TBC1D9: variants seen among roughly 807,000 people sequenced by gnomAD.
TBC1D9 encodes TBC1 domain family member 9.
Under a neutral mutation model 132.0 loss-of-function variants are expected in TBC1D9, and 63 were observed. The observed-to-expected ratio is 0.48, with a 90% CI of 0.39 to 0.59. TBC1D9 has a LOEUF of 0.59. TBC1D9 is among the 20% of genes least tolerant of loss of function. The probability of loss-of-function intolerance (pLI) is 0.00; values close to 1 mark genes in which losing one functional copy is unlikely to be tolerated. For synonymous variants in TBC1D9, 610 were observed against 609.9 expected, an observed-to-expected ratio of 1.00 and a Z score of 0.00; for missense variants, 1,261 against 1,592.7, an observed-to-expected ratio of 0.79 and a Z score of 3.54.
Position 140,622,752 on chromosome 4 carries a change from C to T in TBC1D9, c.3244G>A (p.Gly1082Ser), listed in dbSNP as rs1041023252. 1 of 1,606,144 alleles carries T rather than the reference C, an allele frequency of 6.2e-7. No homozygotes were observed. The highest frequency in any genetic ancestry group is 8.5e-7 in the Non-Finnish European group (1 of 1,179,724). ...AQPAKEGGSG[G>S]SGPSCHQGIP... Reference sequence around the variant, plus strand: ...CCCTGGTGGCAGGACGGCCCACTGCCTCCGCTCCCGCCCTCCTTTGCAGGC... The same window carrying T: ...CCCTGGTGGCAGGACGGCCCACTGCTTCCGCTCCCGCCCTCCTTTGCAGGC... The change falls in exon 21 of 21, where the codon GGC (glycine) becomes AGC (serine). Residue 1082 changes from glycine to serine, a missense_variant. Gly to Ser is a moderately conservative substitution (Grantham distance 56). Transcript: ENST00000442267.
intron 2 of TBC1D9, among the ~76,000 whole-genome samples, chr4:140,689,532 C>T (rs1235625448): frequency 8.4e-6 from 1 of 119,640 alleles, no homozygotes; most frequent in South Asian, 3.4e-4. Flanking sequence ...CCTTCCATTC[C>T]CCCTTTTCCC....
intron 9 of TBC1D9, among the ~76,000 whole-genome samples, chr4:140,668,555 T>C (rs1434461360): frequency 6.6e-6 from 1 of 152,166 alleles, no homozygotes; most frequent in African/African-American, 2.4e-5. Flanking sequence ...CACTTAAACA[T>C]TCTCAATGAA....
chr4:140,679,512 T>C, intron 4 of TBC1D9, 103 bp downstream of exon 4: 1 of 861,824 alleles, frequency 1.2e-6, no homozygotes, highest in South Asian at 1.8e-5. Flanking sequence ...TTGACTTAGT[T>C]ATAACTATAG....
chr4:140,732,385 T>C (rs1738607181), intron 1 of TBC1D9, among the ~76,000 whole-genome samples: 1 of 152,188 alleles, frequency 6.6e-6, no homozygotes, highest in South Asian at 2.1e-4. Context: ...TTTGGGCAGT[T>C]GCAAAATATT....
chr4:140,662,874 ACT>A (rs1474006509), intron 9 of TBC1D9, among the ~76,000 whole-genome samples: 9 of 152,188 alleles, frequency 5.9e-5, no homozygotes, highest in Admixed American at 5.9e-4. Context: ...ATGAAAATGA[ACT>A]CTTTTTTTAT....
At chr4:140,660,941 G>A (rs563217910) in intron 10 of TBC1D9, among the ~76,000 whole-genome samples, 1 of 151,720 alleles carries the variant, frequency 6.6e-6, no homozygotes, top group Admixed American at 6.6e-5. Flanking sequence ...TTGAGACGGA[G>A]TCTTGCTCTG....
chr4:140,738,008 C>T (rs1012975948), intron 1 of TBC1D9, among the ~76,000 whole-genome samples: 5 of 152,236 alleles, frequency 3.3e-5, no homozygotes, highest in East Asian at 1.9e-4. Flanking sequence ...TGGGAGCCAA[C>T]GTTGTAATGA....
At chr4:140,654,762 C>T (rs923256339) in intron 13 of TBC1D9, among the ~76,000 whole-genome samples, 1 of 151,920 alleles carries the variant, frequency 6.6e-6, no homozygotes, top group African/African-American at 2.4e-5. Flanking sequence ...ATTGAGACAT[C>T]CTTCATGGAA....
In TBC1D9 at chr4:140,650,198, T is replaced by C. The variant is rs185405114; in HGVS notation, c.2337+6899A>G. The stretch of plus-strand genomic sequence containing the variant: ...TCACTATATTTTTACCTAGAATTTA[T>C]TTTGAAAGTTGCTGTAAAGCAGAAA... On this transcript the variant is annotated intron_variant, in intron 13 of 20. Coordinates refer to ENST00000442267, the MANE Select transcript of TBC1D9 (RefSeq NM_015130.3). Among the ~76,000 whole-genome samples, 392 of 152,400 alleles carry C rather than the reference T, an allele frequency of 2.6e-3. 2 individuals carry two copies. Among genetic ancestry groups the C allele is most frequent in the African/African-American group, 9.2e-3 (383 of 41,598 alleles).
At chr4:140,673,436 G>A (rs765270320) in intron 6 of TBC1D9, among the ~76,000 whole-genome samples, 38 of 152,150 alleles carry the variant, frequency 2.5e-4, no homozygotes, top group Admixed American at 4.6e-4. Context: ...GCCTGACTCG[G>A]TTCTGAAAGG....
In TBC1D9 at chr4:140,633,932, A is replaced by C; in HGVS notation, c.2746+16T>G. On this transcript the variant is annotated intron_variant, in intron 16 of 20. Coordinates refer to ENST00000442267, the MANE Select transcript of TBC1D9 (RefSeq NM_015130.3). ...AGCATCCCATCCCAACTCATGCAAT[A>C]GTACCACGTCCTTACTTAGCCCAGA... 6.2e-7 allele frequency: 1 copy of C among 1,613,292 alleles called. No homozygotes were observed. The highest frequency in any genetic ancestry group is 8.5e-7 in the Non-Finnish European group (1 of 1,179,546).
intron 5 of TBC1D9, among the ~76,000 whole-genome samples, chr4:140,677,693 C>T (rs544145137): frequency 1.4e-4 from 21 of 152,294 alleles, no homozygotes; most frequent in African/African-American, 4.8e-4. Flanking sequence ...CAAGCTTCTA[C>T]CTGACATCAG....
intron 1 of TBC1D9, among the ~76,000 whole-genome samples, chr4:140,740,507 G>C (rs900117396): frequency 6.6e-6 from 1 of 152,046 alleles, no homozygotes. Flanking sequence ...CCCTTTACTC[G>C]CTCTTTCTCT....
intron 1 of TBC1D9, among the ~76,000 whole-genome samples, chr4:140,722,273 G>GA (rs148866029): frequency 0.02 from 3,079 of 152,190 alleles, 59 homozygotes; most frequent in African/African-American, 0.049. Context: ...GAAAGAGGGG[G>GA]AAAAAAGCTC....
At chr4:140,735,023 A>T (rs1274002650) in intron 1 of TBC1D9, among the ~76,000 whole-genome samples, 3 of 152,190 alleles carry the variant, frequency 2.0e-5, no homozygotes, top group African/African-American at 7.2e-5. Flanking sequence ...CAAACTCCAA[A>T]AATGTTTAAA....
At chr4:140,662,904 A>G (rs1026671046) in intron 9 of TBC1D9, among the ~76,000 whole-genome samples, 1 of 152,244 alleles carries the variant, frequency 6.6e-6, no homozygotes, top group East Asian at 1.9e-4. Flanking sequence ...ACCAAAATTA[A>G]TGCAAAATGG....
chr4:140,628,154 G>A (rs908279917), intron 17 of TBC1D9, 146 bp downstream of exon 17: 1 of 657,388 alleles, frequency 1.5e-6, no homozygotes, highest in African/African-American at 1.8e-5. Context: ...AAGAACTTAT[G>A]GAAATTGTCA....
At chr4:140,671,215 G>A (rs1737530433) in intron 6 of TBC1D9, among the ~76,000 whole-genome samples, 1 of 152,124 alleles carries the variant, frequency 6.6e-6, no homozygotes, top group South Asian at 2.1e-4. Context: ...AACATCTGGA[G>A]GCATTTTGGG....
chr4:140,624,333 C>T lies in TBC1D9; in HGVS notation c.2955G>A (p.Val985=). 2 of 1,613,812 alleles carry T rather than the reference C, an allele frequency of 1.2e-6. No homozygotes were observed. Among genetic ancestry groups the T allele is most frequent in the South Asian group, 1.1e-5 (1 of 91,028 alleles). Residue 985 remains valine (V), a synonymous_variant, in exon 19 of 21, where the codon GTG becomes GTA. Coordinates refer to ENST00000442267, the MANE Select transcript of TBC1D9 (RefSeq NM_015130.3). The part of the protein sequence containing the change: ...KQGADDGFVT[V]SLKPDKGKRA... ...CCTTACCTTTGTCTGGCTTTAGGCT[C>T]ACCGTAACAAAGCCATCATCTGCAC...
Sources: allele counts gnomAD v4.1 joint callset (sites outside exome capture counted in the v4.1 genomes callset), GRCh38; gene constraint gnomAD v4.1.1; transcripts MANE v1.5; gene names NCBI Gene and HGNC (gene_info 2026-07-23, HGNC 2026-07-21).